Variants in EYS observed in about 807,000 individuals in gnomAD.
The protein encoded by EYS is EGF-like photoreceptor maintenance factor, also known as protein eyes shut homolog.
A neutral mutation model predicts 282.1 loss-of-function variants in EYS; 250 were observed. That is an observed-to-expected ratio of 0.89 (90% CI 0.80 to 0.98). The LOEUF is 0.98. Among genes scored for constraint, EYS ranks in the 50% least tolerant of loss-of-function variants. The pLI is 0.00. For missense variants in EYS, 4,016 were observed against 3,709.0 expected (o/e 1.08, Z -2.15); for synonymous variants, 1,355 against 1,282.9 (o/e 1.06, Z -1.20).
chr6:65,020,752 A>C (rs1186470615), intron 13 of EYS, among the ~76,000 whole-genome samples: 1 of 152,252 alleles, frequency 6.6e-6, no homozygotes. Context: ...CCACCCATGA[A>C]GCCCACCTCT....
intron 1 of EYS, among the ~76,000 whole-genome samples, chr6:65,653,589 C>T (rs1767726034): frequency 2.0e-5 from 3 of 151,784 alleles, no homozygotes; most frequent in Admixed American, 2.0e-4. Context: ...GCGGGCAATC[C>T]AACTTTTAAT....
intron 30 of EYS, among the ~76,000 whole-genome samples, chr6:64,274,931 C>T (rs1768061377): frequency 6.6e-6 from 1 of 152,078 alleles, no homozygotes; most frequent in African/African-American, 2.4e-5. Context: ...GAAGCTGGAA[C>T]AACAATGCCA....
At chr6:64,892,129 AAAGATGGAAAAATAC>A (rs1767310261) in intron 18 of EYS, among the ~76,000 whole-genome samples, 3 of 151,906 alleles carry the variant, frequency 2.0e-5, no homozygotes, top group African/African-American at 7.2e-5. Flanking sequence ...CAAACTATAA[AAAGATGGAAAAATAC>A]AAGATAATCA....
At chr6:65,316,916 T>C (rs11963890) in intron 11 of EYS, among the ~76,000 whole-genome samples, 31,197 of 152,128 alleles carry the variant, frequency 0.21, 3,461 homozygotes, top group Middle Eastern at 0.27. Flanking sequence ...TCTTTGCTAT[T>C]GTGAACAGTG....
At chr6:63,976,208 T>TA (rs1766828706) in intron 35 of EYS, among the ~76,000 whole-genome samples, 1 of 152,072 alleles carries the variant, frequency 6.6e-6, no homozygotes, top group Non-Finnish European at 1.5e-5. Flanking sequence ...TGTAAAGGGC[T>TA]AAAATACTAC....
Position 63,891,431 on chromosome 6 carries a change from C to T in EYS, c.7056-27073G>A, listed in dbSNP as rs144542686. On this transcript the variant is annotated intron_variant, in intron 35 of 42. Transcript: ENST00000503581. ...TCCCTGGGAGGCAAGGCTGGTTCAA[C>T]ATACGCAAATCAATAAACATAATCC... Among the ~76,000 whole-genome samples the T allele has an allele frequency of 4.2e-4, 64 of 152,284 alleles. 1 individual carries two copies. The highest frequency in any genetic ancestry group is 1.5e-3 in the African/African-American group (61 of 41,552).
chr6:64,703,356 T>C (rs1770852601), intron 22 of EYS, among the ~76,000 whole-genome samples: 1 of 123,056 alleles, frequency 8.1e-6, no homozygotes, highest in East Asian at 2.1e-4. Flanking sequence ...CTTAAATATA[T>C]ACATACACAT....
intron 1 of EYS, among the ~76,000 whole-genome samples, chr6:65,699,024 T>C (rs1769558698): frequency 1.3e-5 from 2 of 152,182 alleles, no homozygotes; most frequent in South Asian, 2.1e-4. Flanking sequence ...AGCACGAGCT[T>C]TATTTGCTAT....
At chr6:63,727,209 T>C (rs555366665) in intron 41 of EYS, among the ~76,000 whole-genome samples, 4 of 152,088 alleles carry the variant, frequency 2.6e-5, no homozygotes, top group Admixed American at 2.0e-4. Context: ...GAGAGGGAGA[T>C]GGAAAGTTCT....
chr6:63,938,078 C>G (rs1765125830), intron 35 of EYS, among the ~76,000 whole-genome samples: 1 of 152,160 alleles, frequency 6.6e-6, no homozygotes, highest in Admixed American at 6.5e-5. Flanking sequence ...ATTTGTAAAT[C>G]AACTGGTTAA....
chr6:64,929,838 A>C (rs1768650078), intron 15 of EYS, among the ~76,000 whole-genome samples: 1 of 152,198 alleles, frequency 6.6e-6, no homozygotes, highest in Non-Finnish European at 1.5e-5. Context: ...GATGATCTCA[A>C]ACCATTGATG....
At chr6:65,556,621 A>G (rs1470136788) in intron 2 of EYS, among the ~76,000 whole-genome samples, 3 of 152,214 alleles carry the variant, frequency 2.0e-5, no homozygotes, top group Non-Finnish European at 2.9e-5. Flanking sequence ...TGAAATCTTT[A>G]CAATACCATA....
chr6:64,690,778 A>C (rs935713573), intron 22 of EYS, among the ~76,000 whole-genome samples: 1 of 151,924 alleles, frequency 6.6e-6, no homozygotes, highest in Non-Finnish European at 1.5e-5. Context: ...GAATTGAATA[A>C]TGAGAACACT....
At chr6:64,714,778 G>A (rs368873717) in intron 22 of EYS, among the ~76,000 whole-genome samples, 1 of 151,772 alleles carries the variant, frequency 6.6e-6, no homozygotes, top group African/African-American at 2.4e-5. Flanking sequence ...CGCCTGCCTC[G>A]GCCTCCCAAA....
chr6:64,569,026 GAAA>G (rs4034162), intron 26 of EYS, among the ~76,000 whole-genome samples: 3 of 101,744 alleles, frequency 2.9e-5, no homozygotes, highest in African/African-American at 7.7e-5. Context: ...AGATGGAAAA[GAAA>G]AAAAAAAAAA....
At chr6:64,024,509 G>T (rs960960339) in intron 33 of EYS, among the ~76,000 whole-genome samples, 3 of 152,166 alleles carry the variant, frequency 2.0e-5, no homozygotes, top group African/African-American at 7.2e-5. Flanking sequence ...AATAAAAGCA[G>T]GCTTCCCGAG....
chr6:65,378,975 T>A (rs1765505579), intron 8 of EYS, among the ~76,000 whole-genome samples: 1 of 151,920 alleles, frequency 6.6e-6, no homozygotes, highest in Non-Finnish European at 1.5e-5. Flanking sequence ...ATGTCACATG[T>A]ATACTTATGT....
intron 22 of EYS, among the ~76,000 whole-genome samples, chr6:64,656,926 G>A (rs529331008): frequency 4.6e-5 from 7 of 152,190 alleles, no homozygotes; most frequent in Non-Finnish European, 8.8e-5. Flanking sequence ...GCATGACAGA[G>A]TGAGCTAAGG....
At chr6:65,278,652 G>T (rs923753800) in intron 12 of EYS, among the ~76,000 whole-genome samples, 1 of 151,874 alleles carries the variant, frequency 6.6e-6, no homozygotes, top group Non-Finnish European at 1.5e-5. Context: ...CAAGTCAGAG[G>T]AGTTTACTTT....
Sources: allele counts gnomAD v4.1 joint callset (sites outside exome capture counted in the v4.1 genomes callset), GRCh38; gene constraint gnomAD v4.1.1; transcripts MANE v1.5; gene names NCBI Gene and HGNC (gene_info 2026-07-23, HGNC 2026-07-21).